The following FAM169A variants were observed in gnomAD, a reference collection of about 807,000 sequenced individuals.
The protein encoded by FAM169A is soluble lamin-associated protein of 75 kDa.
In FAM169A, 24 loss-of-function variants were observed where a neutral mutation model predicts 75.7. The observed-to-expected ratio is 0.32, with a 90% CI of 0.23 to 0.45. The LOEUF (loss-of-function observed/expected upper bound fraction) is 0.45, where lower values mean the gene tolerates loss of function less well. Among genes scored for constraint, FAM169A ranks in the 20% least tolerant of loss-of-function variants. FAM169A has a pLI of 1.00. For missense variants in FAM169A, 673 were observed against 784.0 expected (o/e 0.86, Z 1.69); for synonymous variants, 271 against 271.0 (o/e 1.00, Z 0.00).
chr5:74,842,470 C>T (rs1442629954), intron 1 of FAM169A, among the ~76,000 whole-genome samples: 2 of 124,186 alleles, frequency 1.6e-5, no homozygotes, highest in African/African-American at 3.0e-5. Context: ...CTGAATTGTA[C>T]GGTTTGCAAT....
chr5:74,831,015 T>C (rs1003480421), intron 5 of FAM169A, among the ~76,000 whole-genome samples: 2 of 152,188 alleles, frequency 1.3e-5, no homozygotes, highest in African/African-American at 4.8e-5. Flanking sequence ...CTATCTATCA[T>C]AGTCTTTCAA....
intron 5 of FAM169A, among the ~76,000 whole-genome samples, chr5:74,824,704 CACAT>C (rs1426964953): frequency 9.5e-4 from 119 of 125,008 alleles, no homozygotes; most frequent in African/African-American, 4.9e-3. Flanking sequence ...CTGATACACA[CACAT>C]ACACACACAC....
intron 6 of FAM169A, among the ~76,000 whole-genome samples, chr5:74,810,751 CAAAAAAAA>C (rs750402413): frequency 1.9e-5 from 1 of 52,552 alleles, no homozygotes; most frequent in African/African-American, 8.6e-5. Flanking sequence ...GACTCCGTCT[CAAAAAAAA>C]AAAAAAAAAA....
intron 5 of FAM169A, among the ~76,000 whole-genome samples, chr5:74,834,004 T>A (rs534760858): frequency 1.3e-5 from 2 of 152,198 alleles, no homozygotes; most frequent in African/African-American, 4.8e-5. Flanking sequence ...CTTTCATATG[T>A]CAGGCTGAAT....
At chr5:74,810,789 A>G (rs375719980) in intron 6 of FAM169A, among the ~76,000 whole-genome samples, 1 of 136,006 alleles carries the variant, frequency 7.4e-6, no homozygotes, top group Admixed American at 7.4e-5. Flanking sequence ...ATGTTATTGT[A>G]TGTAAATTAT....
intron 5 of FAM169A, among the ~76,000 whole-genome samples, chr5:74,816,378 T>A (rs183779367): frequency 8.4e-4 from 128 of 152,338 alleles, no homozygotes; most frequent in African/African-American, 2.6e-3. Context: ...TAAATTGATT[T>A]TTTTTTCTAT....
chr5:74,812,661 G>T (rs149187951), intron 6 of FAM169A, among the ~76,000 whole-genome samples: 1 of 151,860 alleles, frequency 6.6e-6, no homozygotes, highest in Non-Finnish European at 1.5e-5. Flanking sequence ...CCCCAAAATG[G>T]TCAAAGGATC....
chr5:74,840,526 TA>T (rs35670470), intron 2 of FAM169A, among the ~76,000 whole-genome samples: 5,237 of 122,414 alleles, frequency 0.043, 276 homozygotes, highest in African/African-American at 0.13. Context: ...ATTATCTAGT[TA>T]AAAAAAAAAA....
At position 74,840,188 on chromosome 5, in the gene FAM169A, T is replaced by C. The variant is rs754766310; in HGVS notation, c.133-15A>G. The C allele has an allele frequency of 2.4e-6, 3 of 1,270,162 alleles. No individual in the cohort carries two copies. Among genetic ancestry groups the C allele is most frequent in the Non-Finnish European group, 3.3e-6 (3 of 898,826 alleles). 78.7% of individuals were successfully genotyped at this position (1,270,162 alleles called of 1,614,324 possible). ...CTAATAGGAATCTGAAATGACAAATTAATAAAGATTAGTGAACAGTCTGTT... is the reference window on the plus strand; with the variant it reads ...CTAATAGGAATCTGAAATGACAAATCAATAAAGATTAGTGAACAGTCTGTT... On this transcript the variant is annotated splice_polypyrimidine_tract_variant and intron_variant, in intron 2 of 12. Coordinates refer to ENST00000687041, the MANE Select transcript of FAM169A (RefSeq NM_001376049.1).
At position 74,781,413 on chromosome 5, in the gene FAM169A, C is replaced by T; in HGVS notation, c.*47G>A. 6.5e-7 allele frequency: 1 copy of T among 1,550,044 alleles called. No individual in the cohort carries two copies. Among genetic ancestry groups the T allele is most frequent in the Non-Finnish European group, 8.8e-7 (1 of 1,138,798 alleles). On this transcript the variant is annotated 3_prime_UTR_variant, in exon 13 of 13. Transcript: ENST00000687041. ...ATTAATTACCATATTTTAAAAACAA[C>T]AACTATGTTACAAAGAAGAGGATTT...
intron 1 of FAM169A, among the ~76,000 whole-genome samples, chr5:74,845,893 C>G (rs1435236349): frequency 6.6e-6 from 1 of 152,156 alleles, no homozygotes; most frequent in South Asian, 2.1e-4. Context: ...CTTTGTATTT[C>G]TATCAAATTC....
chr5:74,855,956 G>A (rs1162094678), intron 1 of FAM169A, among the ~76,000 whole-genome samples: 1 of 152,178 alleles, frequency 6.6e-6, no homozygotes, highest in African/African-American at 2.4e-5. Context: ...TTTGGTTTTT[G>A]TATATGGCAA....
chr5:74,782,748 GTTA>G (rs773868431), intron 12 of FAM169A, among the ~76,000 whole-genome samples, 180 bp downstream of exon 12: 10 of 151,778 alleles, frequency 6.6e-5, no homozygotes, highest in African/African-American at 1.7e-4. Flanking sequence ...TATGAATAAG[GTTA>G]TTATTTGAAT....
At chr5:74,860,367 CACTG>C (rs1749969389) in intron 1 of FAM169A, among the ~76,000 whole-genome samples, 2 of 152,318 alleles carry the variant, frequency 1.3e-5, no homozygotes, top group African/African-American at 4.8e-5. Flanking sequence ...AAGTCAAACT[CACTG>C]ACTTTTTCTC....
At chr5:74,801,517 ATG>A in intron 9 of FAM169A, 71 bp downstream of exon 9, 1 of 1,124,254 alleles carries the variant, frequency 8.9e-7, no homozygotes, top group Non-Finnish European at 1.4e-6. Flanking sequence ...ACACACATGC[ATG>A]CACACACACA....
intron 1 of FAM169A, among the ~76,000 whole-genome samples, chr5:74,843,115 T>A (rs1326199877): frequency 6.6e-6 from 1 of 151,820 alleles, no homozygotes; most frequent in Non-Finnish European, 1.5e-5. Flanking sequence ...TAAATAGAGA[T>A]GAAGACCTCA....
chr5:74,800,039 TG>T, intron 10 of FAM169A: 1 of 738,700 alleles, frequency 1.4e-6, no homozygotes, highest in Non-Finnish European at 2.5e-6. Context: ...CTGGCATCGA[TG>T]GAGAGCCATG....
In FAM169A at chr5:74,778,956, A is replaced by G. The variant is rs1745265973; in HGVS notation, c.*2504T>C. ...AGTTCATGTAGGTTCCTTATTGAAG[A>G]TAAATTGTGGTATAAATTCTATACT... On this transcript the variant is annotated 3_prime_UTR_variant, in exon 13 of 13. Transcript: ENST00000687041. 1 of 152,142 alleles carries G rather than the reference A, an allele frequency of 6.6e-6. No individual in the cohort carries two copies. The highest frequency in any genetic ancestry group is 1.5e-5 in the Non-Finnish European group (1 of 67,944). 9.4% of individuals were successfully genotyped at this position (152,142 alleles called of 1,614,324 possible).
intron 1 of FAM169A, among the ~76,000 whole-genome samples, chr5:74,859,916 T>A (rs1190033455): frequency 6.6e-6 from 1 of 151,956 alleles, no homozygotes; most frequent in South Asian, 2.1e-4. Context: ...TGTAGAGAGA[T>A]AATAAAAGGG....
Sources: allele counts gnomAD v4.1 joint callset (sites outside exome capture counted in the v4.1 genomes callset), GRCh38; gene constraint gnomAD v4.1.1; transcripts MANE v1.5; gene names NCBI Gene and HGNC (gene_info 2026-07-23, HGNC 2026-07-21).